The following SORCS1 variants were observed in gnomAD, a reference collection of about 807,000 sequenced individuals.
SORCS1 encodes VPS10 domain-containing receptor SorCS1.
A neutral mutation model predicts 146.1 loss-of-function variants in SORCS1; 60 were observed. That is an observed-to-expected ratio of 0.41 (90% CI 0.33 to 0.51). The LOEUF (loss-of-function observed/expected upper bound fraction) is 0.51, where lower values mean the gene tolerates loss of function less well. Among genes scored for constraint, SORCS1 ranks in the 20% least tolerant of loss-of-function variants. The pLI is 0.21. For missense variants in SORCS1, 1,352 were observed against 1,487.6 expected, an observed-to-expected ratio of 0.91 and a Z score of 1.50; for synonymous variants, 637 against 584.0, an observed-to-expected ratio of 1.09 and a Z score of -1.31.
chr10:106,695,483 C>T (rs962417214), intron 9 of SORCS1, among the ~76,000 whole-genome samples: 5 of 152,184 alleles, frequency 3.3e-5, no homozygotes, highest in Middle Eastern at 3.2e-3. Flanking sequence ...TGAGAGTTTG[C>T]ACACTCTAGG....
At chr10:106,868,651 C>G (rs909523043) in intron 2 of SORCS1, among the ~76,000 whole-genome samples, 4 of 152,032 alleles carry the variant, frequency 2.6e-5, no homozygotes, top group African/African-American at 9.7e-5. Context: ...CTAATGAGAA[C>G]AAAGATACAA....
chr10:107,159,585 A>G (rs1005762768), intron 1 of SORCS1, among the ~76,000 whole-genome samples: 1 of 152,140 alleles, frequency 6.6e-6, no homozygotes, highest in African/African-American at 2.4e-5. Context: ...CCTCCGAAAG[A>G]TATACTATCC....
chr10:107,044,745 T>C (rs1018691169), intron 1 of SORCS1, among the ~76,000 whole-genome samples: 15 of 142,610 alleles, frequency 1.1e-4, no homozygotes, highest in African/African-American at 3.9e-4. Context: ...ATCGCTTGAG[T>C]AGGTTGCAGT....
At chr10:106,756,723 T>C (rs921797158) in intron 5 of SORCS1, among the ~76,000 whole-genome samples, 2 of 152,226 alleles carry the variant, frequency 1.3e-5, no homozygotes, top group Non-Finnish European at 2.9e-5. Flanking sequence ...TCCCATACAC[T>C]GTTCTTTTAG....
the SORCS1 span, among the ~76,000 whole-genome samples, chr10:107,179,566 T>C: frequency 6.6e-6 from 1 of 152,250 alleles, no homozygotes; most frequent in East Asian, 1.9e-4. Flanking sequence ...TGTAATCCAA[T>C]TCCTCTGCAT....
intron 9 of SORCS1, among the ~76,000 whole-genome samples, chr10:106,691,767 A>G (rs1853316228): frequency 6.6e-6 from 1 of 151,862 alleles, no homozygotes; most frequent in Non-Finnish European, 1.5e-5. Flanking sequence ...TTATCCCAAC[A>G]CTTCTCTGTT....
intron 2 of SORCS1, among the ~76,000 whole-genome samples, chr10:106,939,698 T>C (rs1037367357): frequency 6.6e-6 from 1 of 152,196 alleles, no homozygotes; most frequent in Admixed American, 6.5e-5. Flanking sequence ...GGAATAACTC[T>C]TCAGCACACC....
At chr10:106,714,386 T>G (rs12241349) in intron 6 of SORCS1, among the ~76,000 whole-genome samples, 5,452 of 152,042 alleles carry the variant, frequency 0.036, 290 homozygotes, top group African/African-American at 0.12. Flanking sequence ...CTTAATATAT[T>G]TTATATTATA....
chr10:106,767,514 A>G (rs1053475045), intron 4 of SORCS1, among the ~76,000 whole-genome samples: 3 of 152,006 alleles, frequency 2.0e-5, no homozygotes, highest in Non-Finnish European at 4.4e-5. Flanking sequence ...TTTGAGACAG[A>G]GTTTCGCTCT....
chr10:106,836,003 C>CT (rs1204192220), intron 2 of SORCS1, among the ~76,000 whole-genome samples: 38 of 115,594 alleles, frequency 3.3e-4, no homozygotes, highest in African/African-American at 1.3e-3. Context: ...GAGACTGCGT[C>CT]TAAAAAAAAA....
the SORCS1 span, among the ~76,000 whole-genome samples, chr10:107,175,112 G>T: frequency 3.9e-5 from 6 of 152,086 alleles, no homozygotes; most frequent in Non-Finnish European, 7.4e-5. Context: ...AACTCCACTT[G>T]AACAAAACAT....
the SORCS1 span, among the ~76,000 whole-genome samples, chr10:107,173,869 T>A: frequency 1.3e-5 from 2 of 152,230 alleles, no homozygotes; most frequent in Non-Finnish European, 2.9e-5. Flanking sequence ...TGATTGTTTC[T>A]GAATTTTCTA....
At chr10:107,077,683 G>A (rs767556199) in intron 1 of SORCS1, among the ~76,000 whole-genome samples, 46 of 151,218 alleles carry the variant, frequency 3.0e-4, no homozygotes, top group East Asian at 7.7e-4. Context: ...TGAGTCCCTG[G>A]ATCAAGGCCA....
chr10:106,924,765 T>TTTG (rs11434568), intron 2 of SORCS1, among the ~76,000 whole-genome samples: 441 of 7,592 alleles, frequency 0.058, 4 homozygotes, highest in Middle Eastern at 0.25. Context: ...ACTGCATGGA[T>TTTG]TTTTTTTTTT....
At chr10:106,829,552 A>G (rs1948449313) in intron 3 of SORCS1, 22 bp downstream of exon 3, 1 of 1,534,688 alleles carries the variant, frequency 6.5e-7, no homozygotes, top group Admixed American at 1.7e-5. Flanking sequence ...AATGAGTAGC[A>G]TGCTGAATAT....
chr10:106,729,939 A>C, intron 6 of SORCS1, 111 bp downstream of exon 6: 1 of 1,298,190 alleles, frequency 7.7e-7, no homozygotes, highest in Non-Finnish European at 1.1e-6. Context: ...CAGAAACCAC[A>C]CATCCACTAT....
chr10:107,095,827 G>A (rs776713279), intron 1 of SORCS1, among the ~76,000 whole-genome samples: 138 of 152,040 alleles, frequency 9.1e-4, no homozygotes, highest in Non-Finnish European at 1.7e-3. Flanking sequence ...GGAGAAACAC[G>A]GTAAAAGGTG....
At chr10:106,658,041 G>A (rs988908071) in intron 17 of SORCS1, among the ~76,000 whole-genome samples, 1 of 151,962 alleles carries the variant, frequency 6.6e-6, no homozygotes. Flanking sequence ...TAAAAGTGAC[G>A]TTCTTATTGC....
At chr10:107,036,143 T>C (rs1958897362) in intron 1 of SORCS1, among the ~76,000 whole-genome samples, 1 of 151,972 alleles carries the variant, frequency 6.6e-6, no homozygotes, top group South Asian at 2.1e-4. Context: ...AATGTGAAAA[T>C]GTTTTAACAC....
Sources: allele counts gnomAD v4.1 joint callset (sites outside exome capture counted in the v4.1 genomes callset), GRCh38; gene constraint gnomAD v4.1.1; transcripts MANE v1.5; gene names NCBI Gene and HGNC (gene_info 2026-07-23, HGNC 2026-07-21).